EEFSEC: variants seen among roughly 807,000 people sequenced by gnomAD.
The protein encoded by EEFSEC is eukaryotic elongation factor, selenocysteine-tRNA specific.
In EEFSEC, 43 loss-of-function variants were observed where a neutral mutation model predicts 42.1. That is an observed-to-expected ratio of 1.02 (90% confidence interval 0.80 to 1.32). EEFSEC has a LOEUF of 1.32. Among genes scored for constraint, EEFSEC ranks in the 40% most tolerant of loss-of-function variants. The probability of loss-of-function intolerance (pLI) is 0.00; values close to 1 mark genes in which losing one functional copy is unlikely to be tolerated. For missense variants in EEFSEC, 745 were observed against 803.6 expected, an observed-to-expected ratio of 0.93 and a Z score of 0.88; for synonymous variants, 354 against 339.1, an observed-to-expected ratio of 1.04 and a Z score of -0.48.
intron 4 of EEFSEC, among the ~76,000 whole-genome samples, chr3:128,289,067 C>T (rs565820680): frequency 7.2e-5 from 11 of 152,234 alleles, no homozygotes; most frequent in South Asian, 2.1e-4. Context: ...CCAGCTTCCT[C>T]GCCCAGCATA....
chr3:128,332,179 T>A (rs2067141077), intron 4 of EEFSEC, among the ~76,000 whole-genome samples: 1 of 152,208 alleles, frequency 6.6e-6, no homozygotes, highest in Admixed American at 6.5e-5. Context: ...CACACATGTG[T>A]ATGGTAGTAT....
At chr3:128,184,494 T>G (rs1358063092) in intron 1 of EEFSEC, among the ~76,000 whole-genome samples, 1 of 152,242 alleles carries the variant, frequency 6.6e-6, no homozygotes, top group Non-Finnish European at 1.5e-5. Context: ...GTAGCATGTG[T>G]CAGAATTTCC....
At chr3:128,416,593 G>A in the EEFSEC span, among the ~76,000 whole-genome samples, 1 of 152,330 alleles carries the variant, frequency 6.6e-6, no homozygotes, top group Non-Finnish European at 1.5e-5. Context: ...CTGTGACAGA[G>A]TGGGAGTGGG....
chr3:128,232,016 A>G (rs927972283), intron 1 of EEFSEC, among the ~76,000 whole-genome samples: 1 of 152,058 alleles, frequency 6.6e-6, no homozygotes, highest in African/African-American at 2.4e-5. Flanking sequence ...GTTTTGTCCA[A>G]AAATTCTTGT....
intron 4 of EEFSEC, among the ~76,000 whole-genome samples, chr3:128,307,443 G>A (rs537738335): frequency 1.3e-4 from 20 of 152,258 alleles, no homozygotes; most frequent in South Asian, 4.2e-4. Context: ...GGGACCCAGC[G>A]GGGCCCAGCT....
intron 4 of EEFSEC, among the ~76,000 whole-genome samples, chr3:128,315,111 T>C (rs2066930730): frequency 6.6e-6 from 1 of 152,222 alleles, no homozygotes; most frequent in Non-Finnish European, 1.5e-5. Context: ...GCCAGACTTA[T>C]CAATGCTACC....
At chr3:128,219,951 A>G (rs2065846185) in intron 1 of EEFSEC, among the ~76,000 whole-genome samples, 1 of 152,156 alleles carries the variant, frequency 6.6e-6, no homozygotes, top group South Asian at 2.1e-4. Flanking sequence ...ATCATGCATG[A>G]GCAGAAAGAA....
chr3:128,262,144 A>G lies in EEFSEC; in HGVS notation c.541A>G (p.Ile181Val), dbSNP rs761378874. 3.7e-6 allele frequency: 6 copies of G among 1,613,966 alleles called. No homozygotes were observed. The highest frequency in any genetic ancestry group is 5.1e-6 in the Non-Finnish European group (6 of 1,180,016). ...LENTKFRGAP[I>V]IPVAAKPGGP... ...CCATTTCAGGTTCCGAGGTGCACCGATTATACCCGTGGCGGCCAAGCCGGG... is the reference window on the plus strand; with the variant it reads ...CCATTTCAGGTTCCGAGGTGCACCGGTTATACCCGTGGCGGCCAAGCCGGG... The change falls in exon 3 of 7, where the codon ATT becomes GTT. Residue 181 changes from isoleucine to valine, a missense_variant. Transcript: ENST00000254730.
intron 4 of EEFSEC, among the ~76,000 whole-genome samples, chr3:128,270,586 C>T (rs1346121651): frequency 1.3e-5 from 2 of 152,342 alleles, no homozygotes; most frequent in Middle Eastern, 6.8e-3. Flanking sequence ...GGTGTTTTTA[C>T]TTTTACCTTT....
At chr3:128,176,056 A>G (rs1175120188) in intron 1 of EEFSEC, among the ~76,000 whole-genome samples, 1 of 152,260 alleles carries the variant, frequency 6.6e-6, no homozygotes. Context: ...TGTAGTATTT[A>G]TCTCAGTGTA....
intron 1 of EEFSEC, among the ~76,000 whole-genome samples, chr3:128,203,659 TC>T (rs2065664909): frequency 6.6e-6 from 1 of 152,220 alleles, no homozygotes; most frequent in African/African-American, 2.4e-5. Context: ...GGTGGACTTT[TC>T]CCAGGCAGTA....
chr3:128,417,988 C>G, the EEFSEC span, among the ~76,000 whole-genome samples: 2 of 152,074 alleles, frequency 1.3e-5, no homozygotes, highest in Non-Finnish European at 2.9e-5. This position sits in a 1 kb window ranked among gnomAD's most constrained non-coding sequence, Gnocchi z 4.3. Flanking sequence ...CCCTATGGCC[C>G]CAGGGGCCTT....
chr3:128,276,591 A>C (rs994745639), intron 4 of EEFSEC, among the ~76,000 whole-genome samples: 3 of 152,226 alleles, frequency 2.0e-5, no homozygotes, highest in Non-Finnish European at 4.4e-5. Context: ...ATCAGTGTCC[A>C]ACATATTCAT....
At chr3:128,314,315 T>A (rs929258970) in intron 4 of EEFSEC, among the ~76,000 whole-genome samples, 1 of 152,148 alleles carries the variant, frequency 6.6e-6, no homozygotes, top group Non-Finnish European at 1.5e-5. Context: ...AGCTCAACAT[T>A]GTTGACATTT....
chr3:128,239,257 G>A (rs1003633600), intron 1 of EEFSEC, among the ~76,000 whole-genome samples: 5 of 152,286 alleles, frequency 3.3e-5, no homozygotes, highest in African/African-American at 1.2e-4. Flanking sequence ...TTCCTCCTCT[G>A]GAGGGCACAA....
chr3:128,408,970 C>T (rs1422689265), downstream of EEFSEC, among the ~76,000 whole-genome samples: 2 of 152,140 alleles, frequency 1.3e-5, no homozygotes, highest in Non-Finnish European at 2.9e-5. Context: ...TGTTCCTCCA[C>T]CCCAACACGA....
intron 5 of EEFSEC, among the ~76,000 whole-genome samples, chr3:128,349,584 C>T (rs931924219): frequency 6.6e-6 from 1 of 152,158 alleles, no homozygotes; most frequent in African/African-American, 2.4e-5. Flanking sequence ...TCACTGTTAC[C>T]ACGCCCCAGG....
At chr3:128,380,200 C>T (rs1212808204) in intron 6 of EEFSEC, among the ~76,000 whole-genome samples, 10 of 152,210 alleles carry the variant, frequency 6.6e-5, no homozygotes, top group Admixed American at 6.5e-4. Flanking sequence ...GAGCCGAGGC[C>T]CCGAGAGCCT....
intron 6 of EEFSEC, among the ~76,000 whole-genome samples, chr3:128,405,156 A>G (rs189621066): frequency 6.6e-6 from 1 of 152,044 alleles, no homozygotes; most frequent in Admixed American, 6.6e-5. Context: ...AGCTGGGACT[A>G]TAGGTGCCCG....
Sources: gnomAD v4.1 joint callset for allele counts (sites outside exome capture counted in the v4.1 genomes callset) on GRCh38, gnomAD v4.1.1 for gene constraint, Gnocchi (gnomAD v3.1) non-coding constraint, MANE v1.5 for transcripts, NCBI Gene and HGNC (gene_info 2026-07-23, HGNC 2026-07-21) for gene names.